Variants in IQGAP1 observed in about 807,000 individuals in gnomAD.
IQGAP1 encodes ras GTPase-activating-like protein IQGAP1.
A neutral mutation model predicts 215.6 loss-of-function variants in IQGAP1; 66 were observed. The observed-to-expected ratio is 0.31, with a 90% CI of 0.25 to 0.38. The LOEUF (loss-of-function observed/expected upper bound fraction) is 0.38, where lower values mean the gene tolerates loss of function less well. IQGAP1 is among the 10% of genes least tolerant of loss of function. The pLI, the probability that IQGAP1 is intolerant of heterozygous loss-of-function variation, is 1.00. For synonymous variants in IQGAP1, 772 were observed against 728.7 expected, an observed-to-expected ratio of 1.06 and a Z score of -0.96; for missense variants, 1,712 against 1,997.1, an observed-to-expected ratio of 0.86 and a Z score of 2.72.
intron 5 of IQGAP1, among the ~76,000 whole-genome samples, chr15:90,434,076 TG>T (rs889578783): frequency 1.3e-5 from 2 of 152,154 alleles, no homozygotes; most frequent in African/African-American, 2.4e-5. Flanking sequence ...TGCATTCACT[TG>T]GGGTGCAGTC....
chr15:90,421,407 C>T (rs1315845227), intron 2 of IQGAP1, among the ~76,000 whole-genome samples: 1 of 149,724 alleles, frequency 6.7e-6, no homozygotes, highest in South Asian at 2.1e-4. Context: ...ACTTGGGAGA[C>T]GGAGGTTGCA....
chr15:90,432,559 C>G (rs1965317266), intron 4 of IQGAP1, among the ~76,000 whole-genome samples: 1 of 152,136 alleles, frequency 6.6e-6, no homozygotes, highest in Non-Finnish European at 1.5e-5. Flanking sequence ...TTTTATCCTA[C>G]CTATCCAACC....
chr15:90,471,802 T>A (rs1432043274), intron 18 of IQGAP1, among the ~76,000 whole-genome samples: 1 of 150,386 alleles, frequency 6.6e-6, no homozygotes, highest in Non-Finnish European at 1.5e-5. Flanking sequence ...GCCTGGCCAC[T>A]CGTGGAGTCT....
intron 15 of IQGAP1, among the ~76,000 whole-genome samples, chr15:90,460,341 C>T (rs1226999291): frequency 6.6e-6 from 1 of 151,994 alleles, no homozygotes; most frequent in Non-Finnish European, 1.5e-5. Context: ...AGGAATATGT[C>T]AAGTTGTCAG....
intron 2 of IQGAP1, among the ~76,000 whole-genome samples, chr15:90,392,164 C>G (rs1229783844): frequency 1.3e-5 from 2 of 152,162 alleles, no homozygotes; most frequent in Non-Finnish European, 2.9e-5. Flanking sequence ...AAACACTAAC[C>G]TGTATTTTGC....
intron 22 of IQGAP1, 88 bp downstream of exon 22, chr15:90,474,221 C>G: frequency 8.2e-7 from 1 of 1,218,468 alleles, no homozygotes; most frequent in Admixed American, 2.4e-5. Flanking sequence ...TTTTGTTATC[C>G]TGAAGGCAAG....
chr15:90,473,196 C>G (rs1157826178), intron 19 of IQGAP1, 186 bp downstream of exon 19: 1 of 572,850 alleles, frequency 1.7e-6, no homozygotes, highest in African/African-American at 1.9e-5. Flanking sequence ...GTGTTTAATG[C>G]TGGCACAGTG....
chr15:90,467,554 G>A lies in IQGAP1; in HGVS notation c.2140G>A (p.Val714Met). 1.9e-6 allele frequency: 3 copies of A among 1,612,214 alleles called. No individual in the cohort carries two copies. The highest frequency in any genetic ancestry group is 2.5e-6 in the Non-Finnish European group (3 of 1,179,326). Residue 714 changes from valine to methionine, a missense_variant, in exon 18 of 38, where the codon GTG becomes ATG. This residue lies in a region of IQGAP1 where 1,021 missense variants were observed against 1,074.2 expected (regional missense o/e 0.95). Transcript: ENST00000268182. Reference sequence around the variant, plus strand: ...AGGATGGGATGAACCTCCAAATTTTGTGCAAAATTCTATGCAGCTTTCTCG... The same window carrying A: ...AGGATGGGATGAACCTCCAAATTTTATGCAAAATTCTATGCAGCTTTCTCG... ...EGGWDEPPNF[V>M]QNSMQLSREE...
rs766041229 is a variant in IQGAP1 at position 90,454,424 on chromosome 15, G to A, written c.1488-4G>A. 1.9e-6 allele frequency: 3 copies of A among 1,613,408 alleles called. No individual in the cohort carries two copies. The highest frequency in any genetic ancestry group is 2.7e-5 in the African/African-American group (2 of 74,866). On this transcript the variant is annotated splice_polypyrimidine_tract_variant and splice_region_variant and intron_variant, in intron 13 of 37. Coordinates refer to ENST00000268182, the MANE Select transcript of IQGAP1 (RefSeq NM_003870.4). ...TGCTCTTTTTACTTGGGGGTCTGGG[G>A]CAGGTATCTCGATGAGTTGATGAAA...
At chr15:90,419,352 A>G (rs1460013172) in intron 2 of IQGAP1, among the ~76,000 whole-genome samples, 1 of 152,188 alleles carries the variant, frequency 6.6e-6, no homozygotes, top group African/African-American at 2.4e-5. Context: ...CATGGTGTGA[A>G]GATTATTTTT....
chr15:90,468,039 T>G (rs1370466559), intron 18 of IQGAP1, among the ~76,000 whole-genome samples: 1 of 148,940 alleles, frequency 6.7e-6, no homozygotes, highest in Non-Finnish European at 1.5e-5. Flanking sequence ...TACTGTTCCA[T>G]TCAACAGTTT....
chr15:90,476,570 A>T (rs985839348), intron 23 of IQGAP1, 93 bp from the exon 24 acceptor site: 6 of 903,966 alleles, frequency 6.6e-6, no homozygotes, highest in Non-Finnish European at 1.0e-5. Context: ...GTACACCTTC[A>T]TGTGAGTTTG....
chr15:90,439,861 A>G (rs557797991), intron 6 of IQGAP1, among the ~76,000 whole-genome samples: 1 of 152,258 alleles, frequency 6.6e-6, no homozygotes. Flanking sequence ...TTCTATGTGT[A>G]TTTGCTATAG....
intron 1 of IQGAP1, among the ~76,000 whole-genome samples, chr15:90,389,379 C>G (rs1005099838): frequency 7.1e-6 from 1 of 141,360 alleles, no homozygotes; most frequent in Non-Finnish European, 1.5e-5. Context: ...GGGTCTTGCT[C>G]TGGTCGCCCA....
intron 19 of IQGAP1, 124 bp downstream of exon 19, chr15:90,473,134 C>A: frequency 1.2e-6 from 1 of 847,208 alleles, no homozygotes; most frequent in Admixed American, 2.5e-5. Flanking sequence ...TCTTCTCTTT[C>A]CTTTGACAGG....
At chr15:90,422,107 T>G (rs963609893) in intron 2 of IQGAP1, among the ~76,000 whole-genome samples, 1 of 152,114 alleles carries the variant, frequency 6.6e-6, no homozygotes, top group Admixed American at 6.5e-5. Flanking sequence ...TTTCTGCGAT[T>G]TTTCCCTTTT....
chr15:90,412,877 A>AT (rs1964987873), intron 2 of IQGAP1, among the ~76,000 whole-genome samples: 1 of 152,196 alleles, frequency 6.6e-6, no homozygotes, highest in Admixed American at 6.5e-5. Flanking sequence ...CAGTTCCGGC[A>AT]TTGGTATGTT....
intron 2 of IQGAP1, among the ~76,000 whole-genome samples, chr15:90,416,537 C>A (rs1466781890): frequency 6.6e-6 from 1 of 151,544 alleles, no homozygotes; most frequent in Non-Finnish European, 1.5e-5. Flanking sequence ...TAAAAGTGTT[C>A]CTATTTCTCC....
chr15:90,440,430 G>T (rs1396225367), intron 6 of IQGAP1, 72 bp from the exon 7 acceptor site: 5 of 1,021,888 alleles, frequency 4.9e-6, no homozygotes, highest in South Asian at 1.4e-5. Flanking sequence ...CATAGTTGAG[G>T]AATATGTTTC....
Sources: allele counts gnomAD v4.1 joint callset (sites outside exome capture counted in the v4.1 genomes callset), GRCh38; gene constraint gnomAD v4.1.1; regional missense constraint gnomAD v4.1.1; transcripts MANE v1.5; gene names NCBI Gene and HGNC (gene_info 2026-07-23, HGNC 2026-07-21).